GAS7: variants seen among roughly 807,000 people sequenced by gnomAD.
The protein encoded by GAS7 is growth arrest-specific protein 7.
A neutral mutation model predicts 71.1 loss-of-function variants in GAS7; 28 were observed. The observed-to-expected ratio is 0.39, with a 90% CI of 0.29 to 0.54. GAS7 has a LOEUF of 0.54. GAS7 is among the 20% of genes least tolerant of loss of function. The pLI is 0.62. For synonymous variants in GAS7, 258 were observed against 245.8 expected, an observed-to-expected ratio of 1.05 and a Z score of -0.46; for missense variants, 436 against 627.8, an observed-to-expected ratio of 0.69 and a Z score of 3.27.
intron 6 of GAS7, among the ~76,000 whole-genome samples, chr17:9,944,558 A>G (rs1468822711): frequency 6.6e-6 from 1 of 152,164 alleles, no homozygotes; most frequent in Non-Finnish European, 1.5e-5. Flanking sequence ...GCCTGCAGGG[A>G]ACCCCATTTA....
rs1454891536 is a variant in GAS7 at position 9,917,186 on chromosome 17, C to G, written c.*42G>C. On this transcript the variant is annotated 3_prime_UTR_variant, in exon 14 of 14. Coordinates refer to ENST00000432992, the MANE Select transcript of GAS7 (RefSeq NM_201433.2). ...CATGGGCCCCATGGTGGGAGCCCAG[C>G]CCCCCTCCCCAGCAGGACCCCCCGA... 6.4e-5 allele frequency: 71 copies of G among 1,101,876 alleles called. No individual in the cohort carries two copies. Among genetic ancestry groups the G allele is most frequent in the East Asian group, 1.2e-4 (5 of 42,450 alleles). 68.3% of individuals were successfully genotyped at this position (1,101,876 alleles called of 1,614,324 possible). A position where few individuals can be genotyped will look rare whatever the true frequency, so the allele number is the denominator to read the frequency against.
intron 4 of GAS7, among the ~76,000 whole-genome samples, chr17:9,962,135 CCA>C (rs2069520851): frequency 1.3e-5 from 2 of 152,116 alleles, no homozygotes; most frequent in East Asian, 3.9e-4. Context: ...TTTACTTCAA[CCA>C]CTGAGGGCCA....
chr17:10,087,387 T>C (rs2073530770), intron 1 of GAS7, among the ~76,000 whole-genome samples: 1 of 152,224 alleles, frequency 6.6e-6, no homozygotes, highest in Non-Finnish European at 1.5e-5. Context: ...GGTGGGAGTA[T>C]GGCATGTGTG....
intron 1 of GAS7, among the ~76,000 whole-genome samples, chr17:10,157,218 C>T (rs543903155): frequency 1.3e-5 from 2 of 152,232 alleles, no homozygotes; most frequent in East Asian, 3.9e-4. Flanking sequence ...GAGTCCTCAG[C>T]CTAGGAAAGG....
intron 1 of GAS7, among the ~76,000 whole-genome samples, chr17:10,175,321 G>T (rs1181794500): frequency 6.6e-6 from 1 of 151,680 alleles, no homozygotes; most frequent in African/African-American, 2.4e-5. Context: ...CAAGCCCAGG[G>T]TAAGGGGCTT....
At chr17:9,983,584 C>T (rs2070521673) in intron 2 of GAS7, among the ~76,000 whole-genome samples, 1 of 151,594 alleles carries the variant, frequency 6.6e-6, no homozygotes, top group African/African-American at 2.4e-5. Context: ...GTCAGGGGTT[C>T]GAGACCACCC....
chr17:10,007,120 T>A (rs1169099512), intron 2 of GAS7, among the ~76,000 whole-genome samples: 1 of 152,256 alleles, frequency 6.6e-6, no homozygotes, highest in East Asian at 1.9e-4. Context: ...TATTACACAG[T>A]GTCCTTGCAA....
At chr17:10,081,184 C>T (rs2073452901) in intron 1 of GAS7, among the ~76,000 whole-genome samples, 4 of 152,132 alleles carry the variant, frequency 2.6e-5, no homozygotes, top group Admixed American at 1.3e-4. Context: ...GACGGAGTCT[C>T]GCTCTTGTTG....
At chr17:10,093,056 C>T (rs1374774268) in intron 1 of GAS7, among the ~76,000 whole-genome samples, 1 of 152,134 alleles carries the variant, frequency 6.6e-6, no homozygotes, top group African/African-American at 2.4e-5. Context: ...GTCTTTAGTC[C>T]ACCATACTCG....
intron 1 of GAS7, among the ~76,000 whole-genome samples, chr17:10,158,212 A>G (rs1466714873): frequency 1.3e-5 from 2 of 151,500 alleles, no homozygotes; most frequent in South Asian, 2.1e-4. Context: ...ACGGGGTTTC[A>G]CCGTGTTAGC....
chr17:10,077,318 C>G (rs974876652), intron 1 of GAS7, among the ~76,000 whole-genome samples: 1 of 152,030 alleles, frequency 6.6e-6, no homozygotes, highest in Non-Finnish European at 1.5e-5. Context: ...TCCTAAAACC[C>G]CATTAACAAA....
At chr17:10,086,946 C>A (rs1237737805) in intron 1 of GAS7, among the ~76,000 whole-genome samples, 1 of 152,216 alleles carries the variant, frequency 6.6e-6, no homozygotes, top group Non-Finnish European at 1.5e-5. Context: ...CCAGAGGCTG[C>A]AAGGAGCCTA....
At chr17:10,184,204 G>T (rs2074436390) in intron 1 of GAS7, among the ~76,000 whole-genome samples, 1 of 152,154 alleles carries the variant, frequency 6.6e-6, no homozygotes, top group South Asian at 2.1e-4. Flanking sequence ...TCATACTGCA[G>T]TCCAGACCCT....
chr17:9,970,703 GTC>G (rs1486745200), intron 3 of GAS7, among the ~76,000 whole-genome samples: 1 of 152,098 alleles, frequency 6.6e-6, no homozygotes, highest in Non-Finnish European at 1.5e-5. Flanking sequence ...ATAACTTTAT[GTC>G]TCTTGGGGGA....
chr17:10,085,030 A>G (rs1332477867), intron 1 of GAS7, among the ~76,000 whole-genome samples: 1 of 152,200 alleles, frequency 6.6e-6, no homozygotes, highest in Non-Finnish European at 1.5e-5. Flanking sequence ...AGGCCTGACC[A>G]TGCTGTTTTT....
At chr17:9,971,801 G>T (rs1431294577) in intron 3 of GAS7, among the ~76,000 whole-genome samples, 1 of 152,210 alleles carries the variant, frequency 6.6e-6, no homozygotes, top group Non-Finnish European at 1.5e-5. Flanking sequence ...CTATAGCGTG[G>T]CAGGAAGCAC....
chr17:10,096,616 C>A (rs536478921), intron 1 of GAS7, among the ~76,000 whole-genome samples: 1 of 152,318 alleles, frequency 6.6e-6, no homozygotes, highest in South Asian at 2.1e-4. Flanking sequence ...AGACCCAGGC[C>A]TAAGGCCATC....
chr17:10,083,075 C>G (rs758736246), intron 1 of GAS7, among the ~76,000 whole-genome samples: 2 of 152,176 alleles, frequency 1.3e-5, no homozygotes, highest in East Asian at 3.8e-4. Context: ...GTAGTGGTTG[C>G]AAGGGTGTAT....
At chr17:10,154,184 T>A (rs1188814514) in intron 1 of GAS7, among the ~76,000 whole-genome samples, 1 of 151,758 alleles carries the variant, frequency 6.6e-6, no homozygotes, top group Non-Finnish European at 1.5e-5. Flanking sequence ...AAATATATAT[T>A]AAAATATACA....
Sources: gnomAD v4.1 joint callset for allele counts (sites outside exome capture counted in the v4.1 genomes callset) on GRCh38, gnomAD v4.1.1 for gene constraint, MANE v1.5 for transcripts, NCBI Gene and HGNC (gene_info 2026-07-23, HGNC 2026-07-21) for gene names.